BRWD3: variants seen among roughly 807,000 people sequenced by gnomAD.
BRWD3 encodes the protein bromodomain and WD repeat-containing protein 3.
In BRWD3, 10 loss-of-function variants were observed where a neutral mutation model predicts 149.7. The ratio of observed to expected loss-of-function variants is 0.07; its 90% CI spans 0.04 to 0.11. BRWD3 has a LOEUF of 0.11. Ranked by LOEUF, BRWD3 falls within the 10% of genes least tolerant of loss-of-function variation. The pLI, the probability that BRWD3 is intolerant of heterozygous loss-of-function variation, is 1.00. For missense variants in BRWD3, 940 were observed against 1,373.2 expected, an observed-to-expected ratio of 0.68 and a Z score of 4.99; for synonymous variants, 504 against 456.7, an observed-to-expected ratio of 1.10 and a Z score of -1.32.
chrX:80,709,803 G>A, intron 20 of BRWD3: 1 of 467,491 alleles, frequency 2.1e-6, no homozygotes, highest in South Asian at 3.4e-5. Flanking sequence ...TAAAGACAGT[G>A]CTGAAAAGTC....
At chrX:80,688,202 T>G (rs1226438022) in intron 33 of BRWD3, 77 bp from the exon 34 acceptor site, 6 of 822,706 alleles carry the variant, frequency 7.3e-6, no homozygotes, top group Non-Finnish European at 1.1e-5. Context: ...CATTTACAAA[T>G]AAACGGGAAA....
chrX:80,792,817 C>T (rs1301334807), intron 5 of BRWD3, among the ~76,000 whole-genome samples: 1 of 110,496 alleles, frequency 9.1e-6, no homozygotes, highest in African/African-American at 3.3e-5. Context: ...CCAGGTAAAA[C>T]TTGGGAAAAA....
chrX:80,745,617 T>C lies in BRWD3; in HGVS notation c.543A>G (p.Ser181=). ...KMHKRILGHL[S]SVYCVAFDRS... ...GGTCAAATGCTACACAGTAGACAGA[T>C]GACAAGTGCCCCAGAATTCTCTTAT... The change falls in exon 7 of 41, where the codon TCA becomes TCG. Residue 181 remains serine (S), a synonymous_variant. Coordinates refer to ENST00000373275, the MANE Select transcript of BRWD3 (RefSeq NM_153252.5). The C allele has an allele frequency of 8.3e-7, 1 of 1,210,701 alleles. No individual in the cohort carries two copies. Among genetic ancestry groups the C allele is most frequent in the East Asian group, 3.0e-5 (1 of 33,794 alleles).
intron 6 of BRWD3, among the ~76,000 whole-genome samples, chrX:80,788,371 A>T (rs761384796): frequency 9.0e-5 from 10 of 110,933 alleles, no homozygotes; most frequent in African/African-American, 3.3e-4. Context: ...AGAACTCTCA[A>T]AACTCAATAA....
At chrX:80,709,675 TAGG>T (rs2072930035) in intron 20 of BRWD3, 98 bp from the exon 21 acceptor site, 6 of 722,246 alleles carry the variant, frequency 8.3e-6, no homozygotes, top group Non-Finnish European at 1.2e-5. Flanking sequence ...TAGGGGTGAG[TAGG>T]AGATGAGAAT....
intron 18 of BRWD3, 58 bp from the exon 19 acceptor site, chrX:80,717,817 G>T (rs940424716): frequency 9.7e-7 from 1 of 1,033,692 alleles, no homozygotes; most frequent in African/African-American, 1.9e-5. Context: ...TAGTTTTCCA[G>T]AACAGAGCTC....
chrX:80,738,470 A>G (rs2073437037), intron 8 of BRWD3, among the ~76,000 whole-genome samples: 1 of 112,051 alleles, frequency 8.9e-6, no homozygotes, highest in Non-Finnish European at 1.9e-5. Flanking sequence ...TAAAAAAAAT[A>G]CAAAACGTGG....
At chrX:80,685,147 A>C (rs1305610365) in intron 36 of BRWD3, among the ~76,000 whole-genome samples, 2 of 111,591 alleles carry the variant, frequency 1.8e-5, no homozygotes, top group Non-Finnish European at 3.8e-5. Flanking sequence ...TTGCTGAATG[A>C]AGTCCCAGTG....
chrX:80,713,041 C>A (rs772051921), intron 20 of BRWD3, among the ~76,000 whole-genome samples: 1 of 109,253 alleles, frequency 9.2e-6, no homozygotes, highest in African/African-American at 3.4e-5. Flanking sequence ...CCCCGCCCGG[C>A]CAGCTGCCCC....
At chrX:80,712,843 G>A (rs1318914192) in intron 20 of BRWD3, among the ~76,000 whole-genome samples, 12 of 104,093 alleles carry the variant, frequency 1.2e-4, no homozygotes, top group Admixed American at 2.0e-4. Context: ...CAGCCGCCCC[G>A]TCTGAGAAGT....
At position 80,700,433 on chromosome X, in the gene BRWD3, G is replaced by GATATATATATATATAT. The variant is rs748889698; in HGVS notation, c.2836-370_2836-369insATATATATATATATAT. Among the ~76,000 whole-genome samples, 466 of 55,588 alleles carry GATATATATATATATAT rather than the reference G, an allele frequency of 8.4e-3. 25 individuals carry two copies. Among genetic ancestry groups the GATATATATATATATAT allele is most frequent in the African/African-American group, 0.016 (260 of 16,039 alleles). 48.3% of individuals were successfully genotyped at this position (55,588 alleles called of 115,157 possible). On this transcript the variant is annotated intron_variant, in intron 24 of 40. Transcript: ENST00000373275. ...AATCAACTGCAGATTGAAAATATTT[G>GATATATATATATATAT]ATATATATAACAATACAATTAGGCC...
At chrX:80,764,013 T>C (rs1241205471) in intron 6 of BRWD3, among the ~76,000 whole-genome samples, 1 of 111,914 alleles carries the variant, frequency 8.9e-6, no homozygotes, top group Non-Finnish European at 1.9e-5. Context: ...GGTGAGGAGA[T>C]AAACACACAA....
Position 80,809,606 on chromosome X carries a change from GCT to G in BRWD3, c.-137_-136del. 2.2e-6 allele frequency: 1 copy of G among 459,725 alleles called. No homozygotes were observed. Among genetic ancestry groups the G allele is most frequent in the Non-Finnish European group, 3.8e-6 (1 of 260,118 alleles). The allele number at this position is 459,725 out of a possible 1,213,427, so 37.9% of individuals were successfully genotyped here. ...CCGCCGCACTCCTCGTCCTAGTTTC[GCT>G]CTCTCTCGAATTCATCGCATCACGT... is the stretch of plus-strand genomic sequence containing the variant. On this transcript the variant is annotated 5_prime_UTR_variant, in exon 1 of 41. The change creates a premature stop within an existing upstream ORF in the 5' untranslated region. Transcript: ENST00000373275.
rs200025344 is a variant in BRWD3, at chrX:80,691,032, A to G, written c.3602+21T>C. ...CCATAAAGCTATAAATTTTATAATA[A>G]GTGATTAAAAAAAAACAGACCTGTA... On this transcript the variant is annotated intron_variant, in intron 31 of 40. Coordinates refer to ENST00000373275, the MANE Select transcript of BRWD3 (RefSeq NM_153252.5). 8 of 1,200,789 alleles carry G rather than the reference A, an allele frequency of 6.7e-6. No individual in the cohort carries two copies. In the East Asian group the frequency reaches 2.4e-4, roughly 36 times the overall value.
intron 20 of BRWD3, chrX:80,710,134 A>C: frequency 1.8e-6 from 1 of 552,940 alleles, no homozygotes; most frequent in Non-Finnish European, 3.3e-6. Flanking sequence ...TTGGTATCTC[A>C]ATTGCAGGGC....
Position 80,809,327 on chromosome X carries a change from G to C in BRWD3, c.32-23C>G, listed in dbSNP as rs376879215. On this transcript the variant is annotated intron_variant, in intron 1 of 40. Transcript: ENST00000373275. ...GCTCTGGGGAAGAGGGGGGAAAAGAGGTTCAGAGGGAGGTAGAGAAGAGAA... is the reference window on the plus strand; with the variant it reads ...GCTCTGGGGAAGAGGGGGGAAAAGACGTTCAGAGGGAGGTAGAGAAGAGAA... The C allele has an allele frequency of 2.3e-4, 273 of 1,177,024 alleles. No individual in the cohort carries two copies. In the Middle Eastern group the frequency reaches 0.01, roughly 43 times the overall value.
chrX:80,717,495 G>T, intron 19 of BRWD3, 78 bp downstream of exon 19: 1 of 982,664 alleles, frequency 1.0e-6, no homozygotes, highest in Non-Finnish European at 1.4e-6. Flanking sequence ...CATTTACTAG[G>T]CTAACATAGT....
At chrX:80,782,268 C>T (rs1354119523) in intron 6 of BRWD3, among the ~76,000 whole-genome samples, 4 of 111,583 alleles carry the variant, frequency 3.6e-5, no homozygotes, top group Non-Finnish European at 5.6e-5. Flanking sequence ...AGGACAATCT[C>T]TTCAATAAAT....
chrX:80,739,737 A>G (rs1168681859), intron 8 of BRWD3, among the ~76,000 whole-genome samples: 1 of 111,858 alleles, frequency 8.9e-6, no homozygotes, highest in Non-Finnish European at 1.9e-5. Context: ...ACACACCTAT[A>G]AGCTTAATTT....
Sources: gnomAD v4.1 joint callset for allele counts (sites outside exome capture counted in the v4.1 genomes callset) on GRCh38, gnomAD v4.1.1 for gene constraint, MANE v1.5 for transcripts, NCBI Gene and HGNC (gene_info 2026-07-23, HGNC 2026-07-21) for gene names.